The following DLGAP4 variants were observed in gnomAD, a reference collection of about 807,000 sequenced individuals.
DLGAP4 encodes DLG associated protein 4.
A neutral mutation model predicts 86.9 loss-of-function variants in DLGAP4; 18 were observed. The ratio of observed to expected loss-of-function variants is 0.21; its 90% CI spans 0.14 to 0.31. DLGAP4 has a LOEUF of 0.31. Ranked by LOEUF, DLGAP4 falls within the 10% of genes least tolerant of loss-of-function variation. The pLI, the probability that DLGAP4 is intolerant of heterozygous loss-of-function variation, is 1.00. For synonymous variants in DLGAP4, 548 were observed against 574.3 expected (o/e 0.95, Z 0.65); for missense variants, 1,085 against 1,362.6 (o/e 0.80, Z 3.21).
intron 7 of DLGAP4, chr20:36,461,518 C>T: frequency 4.1e-6 from 4 of 983,676 alleles, no homozygotes; most frequent in Non-Finnish European, 4.8e-6. Flanking sequence ...AGGGTGAGTG[C>T]CCGCCGCTGG....
At chr20:36,517,613 T>C (rs889425338) in intron 10 of DLGAP4, among the ~76,000 whole-genome samples, 12 of 152,080 alleles carry the variant, frequency 7.9e-5, no homozygotes, top group African/African-American at 2.7e-4. Context: ...TACTGATTTT[T>C]TTTTTTTAAT....
intron 1 of DLGAP4, among the ~76,000 whole-genome samples, chr20:36,358,196 C>A (rs2030394896): frequency 6.6e-6 from 1 of 152,248 alleles, no homozygotes. Context: ...CCCCATGGGG[C>A]CACAGTGAGG....
At chr20:36,513,877 G>A (rs1381535057) in intron 10 of DLGAP4, among the ~76,000 whole-genome samples, 1 of 152,162 alleles carries the variant, frequency 6.6e-6, no homozygotes, top group Non-Finnish European at 1.5e-5. Context: ...CAGGAGTTTG[G>A]TTTGGAACAT....
chr20:36,434,630 A>G (rs2033220612), intron 3 of DLGAP4, among the ~76,000 whole-genome samples: 1 of 152,156 alleles, frequency 6.6e-6, no homozygotes. Context: ...TTCCCAAGGG[A>G]CAGTGGGGAT....
At chr20:36,359,565 G>A (rs895595930) in intron 1 of DLGAP4, among the ~76,000 whole-genome samples, 4 of 152,150 alleles carry the variant, frequency 2.6e-5, no homozygotes, top group Non-Finnish European at 5.9e-5. Context: ...CCATTTGCTT[G>A]CTGTGTAGCC....
At chr20:36,474,489 G>A (rs548434766) in intron 7 of DLGAP4, among the ~76,000 whole-genome samples, 1 of 152,320 alleles carries the variant, frequency 6.6e-6, no homozygotes, top group South Asian at 2.1e-4. Flanking sequence ...CTGTGACGAG[G>A]ACCTATTATT....
chr20:36,482,603 G>A (rs2035236379), intron 7 of DLGAP4, among the ~76,000 whole-genome samples: 3 of 152,270 alleles, frequency 2.0e-5, no homozygotes, highest in Middle Eastern at 3.4e-3. Context: ...GGCTGGAGCC[G>A]AGGCAGCTTT....
chr20:36,506,186 G>A (rs2036359995), intron 10 of DLGAP4, among the ~76,000 whole-genome samples: 1 of 152,184 alleles, frequency 6.6e-6, no homozygotes, highest in Non-Finnish European at 1.5e-5. Context: ...GATTGAGACA[G>A]TAAGCCTGGG....
chr20:36,466,786 C>T (rs1161994359), intron 7 of DLGAP4, among the ~76,000 whole-genome samples: 1 of 152,218 alleles, frequency 6.6e-6, no homozygotes, highest in African/African-American at 2.4e-5. Flanking sequence ...CACATCTCTG[C>T]CTCCCTCCCC....
At chr20:36,449,002 G>A (rs761581542) in intron 7 of DLGAP4, among the ~76,000 whole-genome samples, 5 of 152,120 alleles carry the variant, frequency 3.3e-5, no homozygotes, top group Admixed American at 1.3e-4. Context: ...GTGCTCAACC[G>A]GTGTTTGATG....
intron 1 of DLGAP4, among the ~76,000 whole-genome samples, chr20:36,316,887 TG>T (rs1276569017): frequency 6.6e-6 from 1 of 152,166 alleles, no homozygotes; most frequent in Non-Finnish European, 1.5e-5. Flanking sequence ...TAACTGAGGC[TG>T]GGCAAACAGG....
At chr20:36,462,312 C>A (rs2034123060) in intron 7 of DLGAP4, 7 of 1,346,412 alleles carry the variant, frequency 5.2e-6, no homozygotes, top group Non-Finnish European at 6.6e-6. Context: ...CCGAGCACCC[C>A]CACTTCTCGG....
At chr20:36,521,423 T>A (rs975790157) in intron 10 of DLGAP4, among the ~76,000 whole-genome samples, 7 of 152,220 alleles carry the variant, frequency 4.6e-5, no homozygotes, top group African/African-American at 7.2e-5. Context: ...CCAGGTGCAG[T>A]CTTATATAAT....
intron 10 of DLGAP4, among the ~76,000 whole-genome samples, chr20:36,512,036 T>C (rs1369912498): frequency 2.6e-5 from 4 of 151,308 alleles, no homozygotes; most frequent in Admixed American, 6.6e-5. Flanking sequence ...AATGCCAATT[T>C]TGTCTCTCTG....
intron 7 of DLGAP4, chr20:36,461,414 C>CGGGGA: frequency 1.0e-6 from 1 of 955,408 alleles, no homozygotes; most frequent in Non-Finnish European, 1.2e-6. Context: ...ACGCGGGGGG[C>CGGGGA]GGGGAGGGGC....
At chr20:36,523,090 A>G (rs2037477260) in intron 10 of DLGAP4, among the ~76,000 whole-genome samples, 1 of 152,026 alleles carries the variant, frequency 6.6e-6, no homozygotes, top group South Asian at 2.1e-4. Context: ...CCAGTACTTT[A>G]TGATTTTTTT....
At chr20:36,384,345 G>A (rs970650113) in intron 2 of DLGAP4, among the ~76,000 whole-genome samples, 2 of 152,202 alleles carry the variant, frequency 1.3e-5, no homozygotes, top group Non-Finnish European at 2.9e-5. Context: ...TGGGAGGTCA[G>A]AAGCTTTGGC....
chr20:36,484,614 A>T (rs2035329846), intron 7 of DLGAP4, among the ~76,000 whole-genome samples: 1 of 152,202 alleles, frequency 6.6e-6, no homozygotes, highest in Non-Finnish European at 1.5e-5. Context: ...GCCAAAAGGG[A>T]CTTTCTCTGC....
chr20:36,509,855 C>T (rs1482020158), intron 10 of DLGAP4, among the ~76,000 whole-genome samples: 1 of 151,504 alleles, frequency 6.6e-6, no homozygotes, highest in East Asian at 1.9e-4. Context: ...CACATTATTG[C>T]TTGTCTTTTT....
Sources: allele counts gnomAD v4.1 joint callset (sites outside exome capture counted in the v4.1 genomes callset), GRCh38; gene constraint gnomAD v4.1.1; transcripts MANE v1.5; gene names NCBI Gene and HGNC (gene_info 2026-07-23, HGNC 2026-07-21).